The following MRPL37 variants were observed in gnomAD, a reference collection of about 807,000 sequenced individuals.
MRPL37 encodes the protein large ribosomal subunit protein mL37.
A neutral mutation model predicts 44.1 loss-of-function variants in MRPL37; 34 were observed. That is an observed-to-expected ratio of 0.77 (90% CI 0.59 to 1.03). MRPL37 has a LOEUF of 1.03. Among genes scored for constraint, MRPL37 ranks in the 50% least tolerant of loss-of-function variants. The pLI is 0.00. For missense variants in MRPL37, 532 were observed against 543.7 expected (o/e 0.98, Z 0.21); for synonymous variants, 212 against 219.5 (o/e 0.97, Z 0.30).
At chr1:54,221,060 G>A (rs1644230426), downstream of MRPL37, 1 of 350,556 alleles carries the variant, frequency 2.9e-6, no homozygotes, top group Non-Finnish European at 5.7e-6. Flanking sequence ...GGCAAAATGG[G>A]GATACAGCAC....
chr1:54,208,755 T>G (rs1334971818), intron 3 of MRPL37, among the ~76,000 whole-genome samples: 1 of 152,082 alleles, frequency 6.6e-6, no homozygotes, highest in Non-Finnish European at 1.5e-5. Flanking sequence ...CCTGGCAAGC[T>G]CTTACCCAGT....
At chr1:54,216,454 G>C in intron 6 of MRPL37, 110 bp downstream of exon 6, 8 of 1,284,346 alleles carry the variant, frequency 6.2e-6, no homozygotes, top group Non-Finnish European at 8.7e-6. Context: ...CCTGGCCCTG[G>C]GGACTTCCCA....
chr1:54,213,895 A>G (rs1253192504), intron 5 of MRPL37, among the ~76,000 whole-genome samples: 3 of 151,718 alleles, frequency 2.0e-5, no homozygotes, highest in African/African-American at 7.3e-5. Context: ...TAAAAACACA[A>G]AGATTAGCTG....
downstream of MRPL37, chr1:54,225,196 C>T: frequency 8.1e-7 from 1 of 1,234,310 alleles, no homozygotes; most frequent in Non-Finnish European, 1.0e-6. Flanking sequence ...TTTTAGACGG[C>T]CCCCAAATAT....
chr1:54,200,279 A>T lies in MRPL37; in HGVS notation c.36A>T (p.Leu12=). Reference sequence around the variant, plus strand: ...CGTCCGGGCCCGCAAGGCGGGCGCTAGCTGGCTCCGGGCAGCTCGGCCTTG... The same window carrying T: ...CGTCCGGGCCCGCAAGGCGGGCGCTTGCTGGCTCCGGGCAGCTCGGCCTTG... ...ALASGPARRA[L]AGSGQLGLGG... is the part of the protein sequence containing the mutation. Residue 12 remains leucine (L), a synonymous_variant, in exon 1 of 7, where the codon CTA becomes CTT. Coordinates refer to ENST00000360840, the MANE Select transcript of MRPL37 (RefSeq NM_016491.4). The T allele has an allele frequency of 6.2e-7, 1 of 1,603,664 alleles. No individual in the cohort carries two copies. Among genetic ancestry groups the T allele is most frequent in the Admixed American group, 1.7e-5 (1 of 58,440 alleles).
At chr1:54,216,038 T>C (rs1644194557) in intron 5 of MRPL37, 103 bp from the exon 6 acceptor site, 6 of 1,181,128 alleles carry the variant, frequency 5.1e-6, no homozygotes, top group Middle Eastern at 2.3e-4. Flanking sequence ...TCAGTGGACG[T>C]AGGTGGACGT....
intron 4 of MRPL37, among the ~76,000 whole-genome samples, chr1:54,211,145 C>T (rs1308721042): frequency 6.6e-6 from 1 of 152,148 alleles, no homozygotes; most frequent in Non-Finnish European, 1.5e-5. Context: ...TTTCACAGTT[C>T]ATCTTAGGAA....
rs367653688 is a variant in MRPL37 at position 54,205,070 on chromosome 1, C to T, written c.399C>T (p.Pro133=). The change falls in exon 2 of 7, where the codon CCC becomes CCT. Residue 133 remains proline, a synonymous_variant. Transcript: ENST00000360840. ...AGACCAAGTTAATAGAAGGCCTTCC[C>T]GAGAAAGTGCTTAGCCTTGTTGATG... ...LTKTKLIEGL[P]EKVLSLVDDP... 1.9e-5 allele frequency: 31 copies of T among 1,613,972 alleles called. No individual in the cohort carries two copies. The highest frequency in any genetic ancestry group is 6.7e-5 in the African/African-American group (5 of 74,890).
chr1:54,211,754 A>G (rs1460830302), intron 4 of MRPL37, among the ~76,000 whole-genome samples: 1 of 152,136 alleles, frequency 6.6e-6, no homozygotes, highest in African/African-American at 2.4e-5. Context: ...CAGCCTCCCA[A>G]AGTGCTGGGA....
chr1:54,221,352 CAGAA>C (rs1237619813), downstream of MRPL37, among the ~76,000 whole-genome samples: 4 of 152,182 alleles, frequency 2.6e-5, no homozygotes, highest in Non-Finnish European at 5.9e-5. Context: ...GTGAAAGTCT[CAGAA>C]AGCATGCAGG....
At chr1:54,225,344 A>T, downstream of MRPL37, 1 of 1,234,186 alleles carries the variant, frequency 8.1e-7, no homozygotes, top group Non-Finnish European at 1.0e-6. Flanking sequence ...TGCACCAGGA[A>T]CAAAAACTGT....
chr1:54,201,962 A>G (rs544673293), intron 1 of MRPL37, among the ~76,000 whole-genome samples: 1 of 151,918 alleles, frequency 6.6e-6, no homozygotes, highest in East Asian at 1.9e-4. Context: ...TCTGACTCCC[A>G]GTCCAGGGCT....
chr1:54,224,939 AG>A (rs1450617788), downstream of MRPL37, among the ~76,000 whole-genome samples: 2 of 144,222 alleles, frequency 1.4e-5, no homozygotes, highest in Admixed American at 1.4e-4. Context: ...TTGGAGGTTT[AG>A]GAAAAAAAAA....
chr1:54,201,104 CCTGT>C (rs1247953464), intron 1 of MRPL37, among the ~76,000 whole-genome samples: 1 of 152,228 alleles, frequency 6.6e-6, no homozygotes, highest in Non-Finnish European at 1.5e-5. Context: ...CCAAAACCAG[CCTGT>C]CTATCTAGAA....
intron 4 of MRPL37, among the ~76,000 whole-genome samples, chr1:54,212,197 A>G (rs1467396534): frequency 2.0e-5 from 3 of 152,240 alleles, no homozygotes; most frequent in Non-Finnish European, 4.4e-5. Flanking sequence ...TGAAGAGTCA[A>G]AACAGTAAAT....
At chr1:54,216,752 C>G (rs1644200690) in intron 6 of MRPL37, among the ~76,000 whole-genome samples, 1 of 152,134 alleles carries the variant, frequency 6.6e-6, no homozygotes, top group Admixed American at 6.5e-5. Flanking sequence ...TTCTGACCAC[C>G]ACCGTCCCCA....
In MRPL37 at chr1:54,205,280, C is replaced by G. The variant is rs759686469; in HGVS notation, c.531-15C>G. On this transcript the variant is annotated splice_polypyrimidine_tract_variant and intron_variant, in intron 2 of 6. Transcript: ENST00000360840. ...TGTTGCTTTAAGTCCCCAAATGTCT[C>G]TTTTTGTCTTCAAGCCCGGTCATCG... 6.2e-7 allele frequency: 1 copy of G among 1,610,754 alleles called. No homozygotes were observed.
intron 3 of MRPL37, among the ~76,000 whole-genome samples, chr1:54,209,521 G>A (rs1035529958): frequency 4.7e-5 from 7 of 148,594 alleles, no homozygotes; most frequent in Admixed American, 1.4e-4. Flanking sequence ...GTGCAGTGCC[G>A]TCATCTCAGC....
At chr1:54,213,560 A>T (rs1441904340) in intron 5 of MRPL37, among the ~76,000 whole-genome samples, 1 of 142,768 alleles carries the variant, frequency 7.0e-6, no homozygotes, top group Non-Finnish European at 1.5e-5. Flanking sequence ...GGTTTTTATT[A>T]AAAAAAAAAA....
Sources: allele counts gnomAD v4.1 joint callset (sites outside exome capture counted in the v4.1 genomes callset), GRCh38; gene constraint gnomAD v4.1.1; transcripts MANE v1.5; gene names NCBI Gene and HGNC (gene_info 2026-07-23, HGNC 2026-07-21).